Variants in CTBP2 observed in about 807,000 individuals in gnomAD.
The protein encoded by CTBP2 is C-terminal-binding protein 2.
CTBP2 carries 30 observed loss-of-function variants against 80.3 expected under a neutral mutation model. The ratio of observed to expected loss-of-function variants is 0.37; its 90% CI spans 0.28 to 0.51. The LOEUF is 0.51. Ranked by LOEUF, CTBP2 falls within the 20% of genes least tolerant of loss-of-function variation. The pLI, the probability that CTBP2 is intolerant of heterozygous loss-of-function variation, is 0.93. For synonymous variants in CTBP2, 594 were observed against 587.4 expected, an observed-to-expected ratio of 1.01 and a Z score of -0.16; for missense variants, 1,212 against 1,375.3, an observed-to-expected ratio of 0.88 and a Z score of 1.88.
chr10:125,140,238 C>G (rs1857577900), intron 1 of CTBP2, among the ~76,000 whole-genome samples: 1 of 151,782 alleles, frequency 6.6e-6, no homozygotes, highest in Non-Finnish European at 1.5e-5. Context: ...GGCCAGGAAT[C>G]AAGGTCACAT....
At chr10:125,117,273 G>C (rs1853497578) in intron 1 of CTBP2, among the ~76,000 whole-genome samples, 1 of 152,216 alleles carries the variant, frequency 6.6e-6, no homozygotes, top group Admixed American at 6.5e-5. Flanking sequence ...AAGAGGTCAT[G>C]TGCAGTCCTG....
At chr10:125,114,990 T>C (rs1453859676) in intron 1 of CTBP2, among the ~76,000 whole-genome samples, 1 of 152,106 alleles carries the variant, frequency 6.6e-6, no homozygotes, top group Non-Finnish European at 1.5e-5. Flanking sequence ...GACTTGAGGC[T>C]TTCTGCTTGA....
In CTBP2 at chr10:125,134,685, C is replaced by T. The variant is rs372204844; in HGVS notation, c.-205-23592G>A. Among the ~76,000 whole-genome samples the T allele has an allele frequency of 6.6e-5, 10 of 152,264 alleles. No homozygotes were observed. In the East Asian group the frequency reaches 1.7e-3, roughly 27 times the overall value. ...ACGCGGCGCGGGAGGACGAAGAGAACCTGACCAATGAGGGAGGGTGAAGCG... is the reference window on the plus strand; with the variant it reads ...ACGCGGCGCGGGAGGACGAAGAGAATCTGACCAATGAGGGAGGGTGAAGCG... On this transcript the variant is annotated intron_variant, in intron 1 of 10. Coordinates refer to the CTBP2 transcript ENST00000337195.
Position 124,988,753 on chromosome 10 carries a change from G to GAGAC in CTBP2, c.*761_*764dup, listed in dbSNP as rs1337095705. ...CAAGTTACCATAAAAAGTGTTTCCT[G>GAGAC]AGACATAAGGAAATGCAACATTATT... On this transcript the variant is annotated 3_prime_UTR_variant, in exon 9 of 9. Transcript: ENST00000309035. The GAGAC allele has an allele frequency of 6.6e-6, 1 of 152,626 alleles. No individual in the cohort carries two copies. Among genetic ancestry groups the GAGAC allele is most frequent in the Non-Finnish European group, 1.5e-5 (1 of 68,036 alleles). 9.5% of individuals were successfully genotyped at this position (152,626 alleles called of 1,614,324 possible). A position where few individuals can be genotyped will look rare whatever the true frequency, so the allele number is the denominator to read the frequency against.
At chr10:125,120,523 A>T (rs1854138515) in intron 1 of CTBP2, among the ~76,000 whole-genome samples, 1 of 152,012 alleles carries the variant, frequency 6.6e-6, no homozygotes, top group African/African-American at 2.4e-5. Flanking sequence ...AGTAGCTGGG[A>T]TTATAGGCAT....
chr10:125,032,191 T>C (rs545570749), upstream of CTBP2, among the ~76,000 whole-genome samples: 34 of 152,254 alleles, frequency 2.2e-4, no homozygotes, highest in South Asian at 2.1e-3. Flanking sequence ...TTTCTAGCAA[T>C]GGAACACACT....
chr10:125,141,217 G>A (rs892871958), intron 1 of CTBP2, among the ~76,000 whole-genome samples: 1 of 152,066 alleles, frequency 6.6e-6, no homozygotes, highest in Non-Finnish European at 1.5e-5. Context: ...ATATCCCAGA[G>A]TGCAATAGGG....
chr10:125,134,161 C>A (rs937628865), intron 1 of CTBP2, among the ~76,000 whole-genome samples: 1 of 152,218 alleles, frequency 6.6e-6, no homozygotes, highest in Non-Finnish European at 1.5e-5. Flanking sequence ...GCAGCCCCAA[C>A]GACCAGATTT....
intron 3 of CTBP2, among the ~76,000 whole-genome samples, chr10:125,036,638 G>T (rs1025270624): frequency 6.6e-5 from 10 of 151,354 alleles, no homozygotes; most frequent in African/African-American, 2.4e-4. Context: ...TGATAGAATA[G>T]AAACATGGTG....
At chr10:125,081,819 C>T (rs1457600032) in intron 2 of CTBP2, among the ~76,000 whole-genome samples, 1 of 152,108 alleles carries the variant, frequency 6.6e-6, no homozygotes, top group Non-Finnish European at 1.5e-5. Context: ...GTAAGAGTCA[C>T]AGCATGTCAG....
At chr10:125,154,257 C>A (rs12355882) in intron 1 of CTBP2, among the ~76,000 whole-genome samples, 2 of 151,994 alleles carry the variant, frequency 1.3e-5, no homozygotes, top group Non-Finnish European at 2.9e-5. Context: ...CCCTCTCCCC[C>A]CTCACCCCTG....
intron 3 of CTBP2, among the ~76,000 whole-genome samples, chr10:125,033,395 C>G (rs367888666): frequency 1.3e-5 from 2 of 152,186 alleles, no homozygotes; most frequent in African/African-American, 4.8e-5. Flanking sequence ...GCCAAGGTGC[C>G]TGAGCTTTAG....
At chr10:125,144,755 T>C (rs1317206356) in intron 1 of CTBP2, among the ~76,000 whole-genome samples, 1 of 152,244 alleles carries the variant, frequency 6.6e-6, no homozygotes, top group Non-Finnish European at 1.5e-5. Context: ...ATCGACTCTG[T>C]GGCATCCATC....
chr10:125,159,438 C>G (rs1861552197), intron 1 of CTBP2, among the ~76,000 whole-genome samples: 1 of 145,190 alleles, frequency 6.9e-6, no homozygotes, highest in African/African-American at 2.5e-5. Context: ...CGCCGCCCGG[C>G]CCGCCCAGGC....
At chr10:125,021,639 T>C (rs1957047958) in intron 1 of CTBP2, among the ~76,000 whole-genome samples, 1 of 152,106 alleles carries the variant, frequency 6.6e-6, no homozygotes, top group South Asian at 2.1e-4. Context: ...GAGGGTGATC[T>C]GGCGAGGTCA....
At chr10:125,152,240 G>A (rs1860106805) in intron 1 of CTBP2, among the ~76,000 whole-genome samples, 1 of 152,168 alleles carries the variant, frequency 6.6e-6, no homozygotes. Context: ...CGGGACCCCG[G>A]GACCCCAGAA....
intron 1 of CTBP2, among the ~76,000 whole-genome samples, chr10:125,150,132 G>C (rs1382074509): frequency 6.6e-6 from 1 of 152,194 alleles, no homozygotes; most frequent in South Asian, 2.1e-4. Context: ...TCCTATTTCA[G>C]GTGTGCACAT....
chr10:124,995,982 G>A (rs989680397), intron 4 of CTBP2: 1 of 152,036 alleles, frequency 6.6e-6, no homozygotes, highest in Non-Finnish European at 1.5e-5. Context: ...AGGGCCTGGA[G>A]GGCCTGTGGA....
At chr10:125,002,780 CTG>C (rs1954706434) in intron 3 of CTBP2, among the ~76,000 whole-genome samples, 178 bp downstream of exon 5, 1 of 152,226 alleles carries the variant, frequency 6.6e-6, no homozygotes. Flanking sequence ...ACTATCCTAC[CTG>C]TGTCATGTGA....
Sources: gnomAD v4.1 joint callset for allele counts (sites outside exome capture counted in the v4.1 genomes callset) on GRCh38, gnomAD v4.1.1 for gene constraint, MANE v1.5 for transcripts, NCBI Gene and HGNC (gene_info 2026-07-23, HGNC 2026-07-21) for gene names.